The following TTLL7 variants were observed in gnomAD, a reference collection of about 807,000 sequenced individuals.
The protein encoded by TTLL7 is tubulin tyrosine ligase like 7.
TTLL7 carries 53 observed loss-of-function variants against 120.2 expected under a neutral mutation model. The ratio of observed to expected loss-of-function variants is 0.44; its 90% confidence interval spans 0.35 to 0.55. The LOEUF is 0.55. TTLL7 is among the 20% of genes least tolerant of loss of function. The pLI is 0.00. For missense variants in TTLL7, 803 were observed against 1,054.7 expected (o/e 0.76, Z 3.31); for synonymous variants, 353 against 351.7 (o/e 1.00, Z -0.04).
chr1:83,998,894 A>AG (rs1468207285), intron 1 of TTLL7, 37 bp downstream of exon 1: 2 of 364,050 alleles, frequency 5.5e-6, no homozygotes, highest in African/African-American at 4.4e-5. Context: ...GGGACATGGA[A>AG]GGGGGTCGGG....
rs1477721022 is a variant in TTLL7 at position 83,867,267 on chromosome 1, C to A, written c.*2695G>T. 6.6e-6 allele frequency: 1 copy of A among 151,932 alleles called. No homozygotes were observed. The highest frequency in any genetic ancestry group is 1.5e-5 in the Non-Finnish European group (1 of 67,874). The allele number at this position is 151,932 out of a possible 1,614,324, so 9.4% of individuals were successfully genotyped here. Reference sequence around the variant, plus strand: ...ACACTTCCATGGTTTATTGTTGTGTCTTCTCTTAGTTGCTCATTAGGGAAT... The same window carrying A: ...ACACTTCCATGGTTTATTGTTGTGTATTCTCTTAGTTGCTCATTAGGGAAT... On this transcript the variant is annotated 3_prime_UTR_variant, in exon 21 of 21. Transcript: ENST00000260505.
chr1:83,985,788 CT>C (rs1194467326), intron 1 of TTLL7, among the ~76,000 whole-genome samples: 1 of 152,022 alleles, frequency 6.6e-6, no homozygotes, highest in Non-Finnish European at 1.5e-5. Flanking sequence ...AATAACTTTA[CT>C]GTTATGAATT....
intron 14 of TTLL7, among the ~76,000 whole-genome samples, chr1:83,916,384 T>G (rs1221294228): frequency 1.3e-5 from 2 of 150,670 alleles, no homozygotes; most frequent in African/African-American, 4.9e-5. Context: ...AGCAAACTAT[T>G]GCAAGGACAA....
intron 20 of TTLL7, among the ~76,000 whole-genome samples, chr1:83,878,745 G>T (rs927412717): frequency 6.6e-6 from 1 of 151,900 alleles, no homozygotes; most frequent in African/African-American, 2.4e-5. Flanking sequence ...CTTGTGAAAT[G>T]AGCTTATATG....
At chr1:83,967,146 G>T (rs918911220) in intron 1 of TTLL7, among the ~76,000 whole-genome samples, 5 of 152,022 alleles carry the variant, frequency 3.3e-5, no homozygotes, top group African/African-American at 9.7e-5. Context: ...AAGCACTGTT[G>T]CATAGTTGAA....
chr1:83,906,569 C>G, intron 16 of TTLL7, 106 bp from the exon 17 acceptor site: 1 of 1,517,452 alleles, frequency 6.6e-7, no homozygotes, highest in East Asian at 2.3e-5. Context: ...TAACTGAAAA[C>G]AATAACAATG....
chr1:83,987,264 C>CA (rs563672323), intron 1 of TTLL7, among the ~76,000 whole-genome samples: 3,235 of 146,294 alleles, frequency 0.022, 51 homozygotes, highest in African/African-American at 0.045. Flanking sequence ...AAAGAAAAAA[C>CA]AAAAAAAAAT....
At chr1:83,977,861 G>C (rs1651632190) in intron 1 of TTLL7, among the ~76,000 whole-genome samples, 1 of 152,164 alleles carries the variant, frequency 6.6e-6, no homozygotes, top group South Asian at 2.1e-4. Context: ...TATGGTTTTA[G>C]AATAGAACAA....
intron 4 of TTLL7, 62 bp downstream of exon 4, chr1:83,949,803 A>C (rs184728698): frequency 8.2e-6 from 13 of 1,584,608 alleles, no homozygotes; most frequent in Non-Finnish European, 1.0e-5. Context: ...CTATCTAAAA[A>C]AGTTATGTGG....
intron 6 of TTLL7, among the ~76,000 whole-genome samples, chr1:83,944,034 T>C (rs375413932): frequency 2.7e-3 from 415 of 152,010 alleles, no homozygotes; most frequent in African/African-American, 9.5e-3. Context: ...CTAAAGGATA[T>C]AAACAGTATA....
chr1:83,929,260 A>C (rs1659386393), intron 9 of TTLL7, 30 bp from the exon 10 acceptor site: 2 of 1,509,362 alleles, frequency 1.3e-6, no homozygotes, highest in African/African-American at 1.4e-5. Context: ...CAATATTGGA[A>C]GGTAAATAAA....
chr1:83,940,698 G>A (rs1647872137), intron 7 of TTLL7, among the ~76,000 whole-genome samples: 1 of 151,990 alleles, frequency 6.6e-6, no homozygotes, highest in Non-Finnish European at 1.5e-5. Flanking sequence ...CAGACCCACT[G>A]CTACTATTTC....
At chr1:83,886,338 C>T (rs1654972898) in intron 19 of TTLL7, among the ~76,000 whole-genome samples, 1 of 151,954 alleles carries the variant, frequency 6.6e-6, no homozygotes, top group Non-Finnish European at 1.5e-5. Flanking sequence ...TTACTGGATG[C>T]ATCAAACAGA....
intron 12 of TTLL7, 63 bp from the exon 13 acceptor site, chr1:83,919,897 T>A (rs1658498718): frequency 6.0e-6 from 9 of 1,503,944 alleles, no homozygotes; most frequent in Non-Finnish European, 7.3e-6. Context: ...ATAGTTAACA[T>A]CAACTCCATA....
At position 83,890,405 on chromosome 1, in the gene TTLL7, T is replaced by C. The variant is rs758839521; in HGVS notation, c.2285A>G (p.Asn762Ser). ...IWKVPDVEEV[N>S]LYRIFNRVFN... ...AACCCGGTTGAAAATCCGATATAAA[T>C]TTACTTCTTCAACATCAGGCACCTT... Residue 762 changes from asparagine to serine, a missense_variant, in exon 19 of 21, where the codon AAT (asparagine) becomes AGT (serine). By Grantham distance (46) the Asn-to-Ser change is conservative. Around this residue, in one of 3 missense-constraint regions of TTLL7, gnomAD observed 388 missense variants for 450.4 expected, o/e 0.86. Transcript: ENST00000260505. 1 of 1,613,380 alleles carries C rather than the reference T, an allele frequency of 6.2e-7. No individual in the cohort carries two copies. Among genetic ancestry groups the C allele is most frequent in the Admixed American group, 1.7e-5 (1 of 59,938 alleles).
intron 19 of TTLL7, chr1:83,887,343 A>AT (rs1388323457): frequency 6.2e-6 from 4 of 646,402 alleles, no homozygotes; most frequent in Non-Finnish European, 9.3e-6. Flanking sequence ...AGAAGAGTAG[A>AT]TTTTCACCAT....
chr1:83,986,298 G>T (rs1652433534), intron 1 of TTLL7, among the ~76,000 whole-genome samples: 1 of 152,160 alleles, frequency 6.6e-6, no homozygotes, highest in African/African-American at 2.4e-5. Context: ...TTTCATGTAT[G>T]CAAGGCTGAT....
At chr1:83,957,132 A>G (rs1649600498) in intron 1 of TTLL7, among the ~76,000 whole-genome samples, 1 of 152,186 alleles carries the variant, frequency 6.6e-6, no homozygotes, top group African/African-American at 2.4e-5. Flanking sequence ...TAGGCTGCAA[A>G]AGTAAAAGAT....
rs1401595581 is a variant in TTLL7 at position 83,882,985 on chromosome 1, C to T, written c.2521G>A (p.Gly841Ser). 1 of 1,612,302 alleles carries T rather than the reference C, an allele frequency of 6.2e-7. No homozygotes were observed. The highest frequency in any genetic ancestry group is 1.7e-5 in the Admixed American group (1 of 59,804). ...TDKRGSLSGI[G>S]PDWGNSRYLL... ...TACCTGGAATTACCCCAGTCAGGAC[C>T]AATGCCTGAAAGTGATCCTCTTTTG... The change falls in exon 20 of 21, where the codon GGT becomes AGT. Residue 841 changes from glycine to serine, a missense_variant. Gly to Ser is a moderately conservative substitution (Grantham distance 56). Transcript: ENST00000260505.
Sources: allele counts gnomAD v4.1 joint callset (sites outside exome capture counted in the v4.1 genomes callset), GRCh38; gene constraint gnomAD v4.1.1; regional missense constraint gnomAD v4.1.1; transcripts MANE v1.5; gene names NCBI Gene and HGNC (gene_info 2026-07-23, HGNC 2026-07-21).